Variants in RASEF observed in about 807,000 individuals in gnomAD.
The protein encoded by RASEF is RAS and EF-hand domain containing.
A neutral mutation model predicts 90.1 loss-of-function variants in RASEF; 68 were observed. That is an observed-to-expected ratio of 0.75 (90% CI 0.62 to 0.92). The LOEUF is 0.92. RASEF is among the 40% of genes least tolerant of loss of function. The pLI, the probability that RASEF is intolerant of heterozygous loss-of-function variation, is 0.00. For synonymous variants in RASEF, 331 were observed against 345.2 expected (o/e 0.96, Z 0.46); for missense variants, 949 against 937.2 (o/e 1.01, Z -0.16).
chr9:83,000,606 A>C (rs1453573899), intron 10 of RASEF, 36 bp from the exon 11 acceptor site: 2 of 1,562,352 alleles, frequency 1.3e-6, no homozygotes, highest in South Asian at 2.4e-5. Flanking sequence ...TAAATTAAAA[A>C]ATGTCAGCAG....
At chr9:83,214,938 T>A in the RASEF span, among the ~76,000 whole-genome samples, 1 of 151,740 alleles carries the variant, frequency 6.6e-6, no homozygotes, top group East Asian at 2.0e-4. Context: ...ACCCAAAAAG[T>A]TGCTTTTTGG....
chr9:83,048,132 G>A (rs1297070071), intron 1 of RASEF: 1 of 985,266 alleles, frequency 1.0e-6, no homozygotes, highest in Admixed American at 6.1e-5. Flanking sequence ...GGCTCTGGAG[G>A]CCTCCACGTT....
intron 1 of RASEF, among the ~76,000 whole-genome samples, chr9:83,033,418 T>C (rs1225585510): frequency 6.6e-6 from 1 of 152,134 alleles, no homozygotes; most frequent in East Asian, 1.9e-4. Context: ...GAAGTATGCA[T>C]AGATGTCAAC....
At chr9:83,212,485 T>G in the RASEF span, among the ~76,000 whole-genome samples, 1 of 152,212 alleles carries the variant, frequency 6.6e-6, no homozygotes, top group Non-Finnish European at 1.5e-5. Context: ...ACAATTATGA[T>G]TTGCAATTAC....
chr9:83,106,592 C>T, the RASEF span, among the ~76,000 whole-genome samples: 8 of 152,282 alleles, frequency 5.3e-5, no homozygotes, highest in Middle Eastern at 0.014. Flanking sequence ...GGGCTCTTGA[C>T]GTCCTTATCA....
At chr9:83,164,347 GTATATA>G in the RASEF span, among the ~76,000 whole-genome samples, 2,760 of 129,968 alleles carry the variant, frequency 0.021, 117 homozygotes, top group African/African-American at 0.073. Flanking sequence ...GTATATGTGT[GTATATA>G]TATATATATA....
intron 14 of RASEF, among the ~76,000 whole-genome samples, chr9:82,996,379 A>T (rs889039795): frequency 2.0e-5 from 3 of 152,212 alleles, no homozygotes; most frequent in Non-Finnish European, 4.4e-5. Context: ...AAAATCATTT[A>T]CTTTTAAAAA....
the RASEF span, among the ~76,000 whole-genome samples, chr9:83,177,425 G>T: frequency 3.3e-5 from 5 of 152,130 alleles, no homozygotes; most frequent in Non-Finnish European, 5.9e-5. Flanking sequence ...ATCTGAGAGT[G>T]TCTGTATATC....
At chr9:83,056,895 C>A (rs1362835474) in intron 1 of RASEF, among the ~76,000 whole-genome samples, 4 of 152,214 alleles carry the variant, frequency 2.6e-5, no homozygotes, top group Non-Finnish European at 5.9e-5. Flanking sequence ...AGGGTCACAG[C>A]AGGCCACTGC....
chr9:83,024,636 G>T (rs1829508374), intron 2 of RASEF, among the ~76,000 whole-genome samples: 1 of 152,114 alleles, frequency 6.6e-6, no homozygotes, highest in Non-Finnish European at 1.5e-5. Context: ...AGAGAAAAAT[G>T]GTCAGTCAAG....
At chr9:83,118,044 G>T in the RASEF span, among the ~76,000 whole-genome samples, 1 of 152,134 alleles carries the variant, frequency 6.6e-6, no homozygotes, top group African/African-American at 2.4e-5. Flanking sequence ...GACAAATGTG[G>T]ATGATGCCTA....
intron 1 of RASEF, among the ~76,000 whole-genome samples, chr9:83,045,803 C>G (rs1587520265): frequency 6.6e-6 from 1 of 152,194 alleles, no homozygotes; most frequent in Non-Finnish European, 1.5e-5. Context: ...AGTGTGCCCC[C>G]AAGTAACAGC....
At position 82,982,473 on chromosome 9, in the gene RASEF, C is replaced by T. The variant is rs1348250510; in HGVS notation, c.*204G>A. On this transcript the variant is annotated 3_prime_UTR_variant, in exon 17 of 17. Transcript: ENST00000376447. ...GTAAGGACATGACTAGTCTATTTAG[C>T]CAGAGGGCCCAAATCACTCACTGAG... is the stretch of plus-strand genomic sequence containing the variant. 8.2e-6 allele frequency: 4 copies of T among 484,904 alleles called. No homozygotes were observed. Among genetic ancestry groups the T allele is most frequent in the Non-Finnish European group, 1.5e-5 (4 of 266,392 alleles). The allele number at this position is 484,904 out of a possible 1,614,324, so 30.0% of individuals were successfully genotyped here.
chr9:83,094,142 C>G, the RASEF span, among the ~76,000 whole-genome samples: 2 of 151,754 alleles, frequency 1.3e-5, no homozygotes, highest in East Asian at 3.9e-4. Flanking sequence ...TGGAAACATA[C>G]TATCATGAGA....
intron 9 of RASEF, among the ~76,000 whole-genome samples, chr9:83,002,451 G>C (rs535030477): frequency 4.0e-5 from 6 of 151,492 alleles, no homozygotes; most frequent in Admixed American, 3.3e-4. Context: ...GCATGTGTGC[G>C]TGTGTGTGTT....
chr9:83,184,588 C>T, the RASEF span, among the ~76,000 whole-genome samples: 2 of 152,108 alleles, frequency 1.3e-5, no homozygotes, highest in African/African-American at 4.8e-5. Context: ...CTCTGTCACT[C>T]AAACTCAATC....
At chr9:83,166,667 C>A in the RASEF span, among the ~76,000 whole-genome samples, 14 of 152,244 alleles carry the variant, frequency 9.2e-5, no homozygotes, top group African/African-American at 3.4e-4. Flanking sequence ...ACCTACTGCA[C>A]CCCCACCCCA....
intron 16 of RASEF, among the ~76,000 whole-genome samples, chr9:82,989,531 T>C (rs928192395): frequency 6.6e-6 from 1 of 152,194 alleles, no homozygotes; most frequent in Non-Finnish European, 1.5e-5. Flanking sequence ...AGTCATTAAT[T>C]GAAAAACAGC....
chr9:82,987,422 A>G (rs985053426), intron 16 of RASEF, among the ~76,000 whole-genome samples: 1 of 152,218 alleles, frequency 6.6e-6, no homozygotes, highest in Admixed American at 6.5e-5. Context: ...ACTATAACCT[A>G]TCCATTATGC....
Sources: gnomAD v4.1 joint callset for allele counts (sites outside exome capture counted in the v4.1 genomes callset) on GRCh38, gnomAD v4.1.1 for gene constraint, MANE v1.5 for transcripts, NCBI Gene and HGNC (gene_info 2026-07-23, HGNC 2026-07-21) for gene names.